The following PLAC1 variants were observed in gnomAD, a reference collection of about 807,000 sequenced individuals.
The protein encoded by PLAC1 is placenta associated 1, also known as placenta-specific protein 1.
For missense variants in PLAC1, 136 were observed against 163.2 expected, an observed-to-expected ratio of 0.83 and a Z score of 0.91; for synonymous variants, 68 against 62.1, an observed-to-expected ratio of 1.09 and a Z score of -0.44.
At chrX:134,708,009 T>C (rs2078612421) in intron 2 of PLAC1, among the ~76,000 whole-genome samples, 1 of 111,192 alleles carries the variant, frequency 9.0e-6, no homozygotes, top group African/African-American at 3.3e-5. Flanking sequence ...TGAACCAAAA[T>C]AGAATTCTAA....
At chrX:134,685,430 G>A (rs1356215274) in intron 2 of PLAC1, among the ~76,000 whole-genome samples, 1 of 106,211 alleles carries the variant, frequency 9.4e-6, no homozygotes, top group East Asian at 3.0e-4. Context: ...AATACAGCAG[G>A]CTGGACAAAA....
At chrX:134,674,792 T>C (rs918331752) in intron 2 of PLAC1, among the ~76,000 whole-genome samples, 2 of 112,223 alleles carry the variant, frequency 1.8e-5, no homozygotes, top group Non-Finnish European at 3.8e-5. Context: ...TGGGTTCTCA[T>C]TGGTTTCTCA....
chrX:134,740,146 C>T (rs1172456078), intron 1 of PLAC1, among the ~76,000 whole-genome samples: 2 of 109,939 alleles, frequency 1.8e-5, no homozygotes, highest in South Asian at 4.0e-4. Context: ...GGAGAAACCC[C>T]GTCTCTACTA....
chrX:134,692,042 A>G (rs956696134), intron 2 of PLAC1, among the ~76,000 whole-genome samples: 2 of 112,348 alleles, frequency 1.8e-5, no homozygotes, highest in Admixed American at 9.4e-5. Flanking sequence ...GCACTTCCAC[A>G]TTGGACAAAT....
intron 2 of PLAC1, among the ~76,000 whole-genome samples, chrX:134,699,852 CA>C (rs894399054): frequency 8.9e-6 from 1 of 112,053 alleles, no homozygotes; most frequent in Admixed American, 9.4e-5. Flanking sequence ...TACAAGTCTA[CA>C]AACCCCCTGT....
chrX:134,712,148 G>A (rs1220807456), intron 2 of PLAC1, among the ~76,000 whole-genome samples: 1 of 110,747 alleles, frequency 9.0e-6, no homozygotes, highest in African/African-American at 3.3e-5. Context: ...AGAACACCAA[G>A]CTCATCATTT....
chrX:134,672,355 C>A (rs1009252447), intron 2 of PLAC1, among the ~76,000 whole-genome samples: 1 of 111,186 alleles, frequency 9.0e-6, no homozygotes, highest in Non-Finnish European at 1.9e-5. Flanking sequence ...TGGGTGGTCC[C>A]AATACCCTAG....
At chrX:134,642,503 A>G (rs544357137) in intron 1 of PLAC1, among the ~76,000 whole-genome samples, 1 of 111,336 alleles carries the variant, frequency 9.0e-6, no homozygotes, top group Admixed American at 9.6e-5. Flanking sequence ...GCAGTCTAAT[A>G]GGGAAGAGAG....
At chrX:134,630,160 G>A (rs903213258) in intron 1 of PLAC1, among the ~76,000 whole-genome samples, 1 of 109,751 alleles carries the variant, frequency 9.1e-6, no homozygotes, top group Non-Finnish European at 1.9e-5. Flanking sequence ...TAGTAGAGAC[G>A]CGGTTTCTCC....
intron 2 of PLAC1, among the ~76,000 whole-genome samples, chrX:134,726,563 G>A (rs180812322): frequency 1.3e-4 from 14 of 111,571 alleles, no homozygotes. Context: ...TGTGGCTCAC[G>A]CCTGTAATCC....
intron 2 of PLAC1, among the ~76,000 whole-genome samples, chrX:134,718,478 A>G (rs2078649432): frequency 8.9e-6 from 1 of 112,456 alleles, no homozygotes; most frequent in Non-Finnish European, 1.9e-5. Flanking sequence ...TTGGGGCTTG[A>G]CATTCCTCAC....
upstream of PLAC1, among the ~76,000 whole-genome samples, chrX:134,660,145 C>A (rs1047334596): frequency 8.2e-5 from 9 of 109,255 alleles, no homozygotes; most frequent in African/African-American, 3.0e-4. Flanking sequence ...TGCTCTATCA[C>A]CCAGGCTGGA....
At chrX:134,704,505 AC>A (rs1429219907) in intron 2 of PLAC1, among the ~76,000 whole-genome samples, 2 of 105,301 alleles carry the variant, frequency 1.9e-5, no homozygotes, top group Non-Finnish European at 3.9e-5. Context: ...AAAAAAAAAA[AC>A]AAAATAACAA....
intron 1 of PLAC1, among the ~76,000 whole-genome samples, chrX:134,747,799 A>G (rs772141767): frequency 8.9e-6 from 1 of 112,211 alleles, no homozygotes; most frequent in South Asian, 3.7e-4. Flanking sequence ...CCATAAAATC[A>G]TAGAATATTA....
intron 2 of PLAC1, among the ~76,000 whole-genome samples, chrX:134,701,177 G>A (rs1028521986): frequency 5.4e-5 from 6 of 111,569 alleles, no homozygotes; most frequent in African/African-American, 2.0e-4. Flanking sequence ...ACAAAAATAA[G>A]CAATGGGGAA....
intron 2 of PLAC1, among the ~76,000 whole-genome samples, chrX:134,688,634 C>T (rs1451190668): frequency 8.9e-6 from 1 of 112,217 alleles, no homozygotes; most frequent in Admixed American, 9.4e-5. Context: ...CCCACCCTTT[C>T]CTTGATGTTT....
intron 2 of PLAC1, among the ~76,000 whole-genome samples, chrX:134,570,822 C>G (rs1200561421): frequency 9.0e-6 from 1 of 111,643 alleles, no homozygotes; most frequent in Non-Finnish European, 1.9e-5. Flanking sequence ...TTCCCACTAG[C>G]TCCTTTAACA....
intron 1 of PLAC1, among the ~76,000 whole-genome samples, chrX:134,616,522 G>C (rs1226138504): frequency 9.1e-6 from 1 of 109,700 alleles, no homozygotes; most frequent in East Asian, 3.0e-4. Flanking sequence ...TGTAGTCCCA[G>C]CTACTCAGGA....
intron 2 of PLAC1, among the ~76,000 whole-genome samples, chrX:134,590,617 G>A (rs2078034062): frequency 9.0e-6 from 1 of 111,405 alleles, no homozygotes; most frequent in Admixed American, 9.5e-5. Flanking sequence ...CTGAAGAAGA[G>A]ACTTTTTTGT....
Sources: gnomAD v4.1 joint callset for allele counts (sites outside exome capture counted in the v4.1 genomes callset) on GRCh38, gnomAD v4.1.1 for gene constraint, MANE v1.5 for transcripts, NCBI Gene and HGNC (gene_info 2026-07-23, HGNC 2026-07-21) for gene names.